Variants in PDE3A observed in about 807,000 individuals in gnomAD.
The protein encoded by PDE3A is phosphodiesterase 3A, also known as cGMP-inhibited 3',5'-cyclic phosphodiesterase 3A.
Under a neutral mutation model 98.3 loss-of-function variants are expected in PDE3A, and 43 were observed. That is an observed-to-expected ratio of 0.44 (90% CI 0.34 to 0.56). The LOEUF is 0.56. Among genes scored for constraint, PDE3A ranks in the 20% least tolerant of loss-of-function variants. The pLI, the probability that PDE3A is intolerant of heterozygous loss-of-function variation, is 0.01. For missense variants in PDE3A, 1,427 were observed against 1,440.7 expected (o/e 0.99, Z 0.15); for synonymous variants, 663 against 567.9 (o/e 1.17, Z -2.38).
At chr12:20,577,130 C>A (rs183212709) in intron 2 of PDE3A, among the ~76,000 whole-genome samples, 1 of 152,128 alleles carries the variant, frequency 6.6e-6, no homozygotes, top group African/African-American at 2.4e-5. Flanking sequence ...ATGAACCACC[C>A]CCACCCCCAA....
At chr12:20,588,979 G>T (rs1403372817) in intron 2 of PDE3A, among the ~76,000 whole-genome samples, 1 of 152,176 alleles carries the variant, frequency 6.6e-6, no homozygotes, top group African/African-American at 2.4e-5. Context: ...CTGGAGTGTA[G>T]TGGCGCCATT....
In PDE3A at chr12:20,465,194, C is replaced by A. The variant is rs187468445; in HGVS notation, c.961-91466C>A. 1.3e-3 allele frequency among the ~76,000 whole-genome samples: 205 copies of A among 152,168 alleles called. 2 individuals are homozygous for A. The highest frequency in any genetic ancestry group is 4.6e-3 in the African/African-American group (193 of 41,536). ...GAAGTTGGAGGTTGCTTAACAATTT[C>A]TTCTCTTTAATAGCATGTCATAGTT... On this transcript the variant is annotated intron_variant, in intron 1 of 15. Coordinates refer to ENST00000359062, the MANE Select transcript of PDE3A (RefSeq NM_000921.5).
intron 1 of PDE3A, among the ~76,000 whole-genome samples, chr12:20,445,822 C>T (rs902547076): frequency 3.9e-5 from 6 of 152,084 alleles, no homozygotes; most frequent in Non-Finnish European, 7.3e-5. Flanking sequence ...AGACTGATGA[C>T]GCCCTATGCT....
intron 10 of PDE3A, among the ~76,000 whole-genome samples, chr12:20,644,475 A>G (rs1357760414): frequency 6.6e-6 from 1 of 152,164 alleles, no homozygotes; most frequent in Non-Finnish European, 1.5e-5. Context: ...TATTTTTAAG[A>G]TAAGGAAGTG....
intron 1 of PDE3A, among the ~76,000 whole-genome samples, chr12:20,447,863 G>T (rs560305237): frequency 3.3e-5 from 5 of 152,286 alleles, no homozygotes; most frequent in South Asian, 2.1e-4. Flanking sequence ...GAAGAGGGGG[G>T]CAGTCTTGAG....
At chr12:20,390,925 C>T (rs1165354475) in intron 1 of PDE3A, among the ~76,000 whole-genome samples, 3 of 151,850 alleles carry the variant, frequency 2.0e-5, no homozygotes, top group East Asian at 1.9e-4. Flanking sequence ...ATGTTAAGCA[C>T]GGTCCTAAAT....
At chr12:20,445,873 C>A (rs1041761366) in intron 1 of PDE3A, among the ~76,000 whole-genome samples, 1 of 152,114 alleles carries the variant, frequency 6.6e-6, no homozygotes, top group African/African-American at 2.4e-5. Context: ...CATCTCCTTT[C>A]TAGGTCACAA....
intron 1 of PDE3A, among the ~76,000 whole-genome samples, chr12:20,539,888 A>G (rs1043048590): frequency 9.5e-6 from 1 of 104,960 alleles, no homozygotes. Flanking sequence ...AATTACGTGA[A>G]GTAGGTAGTC....
At chr12:20,464,932 A>G (rs1437924961) in intron 1 of PDE3A, among the ~76,000 whole-genome samples, 1 of 152,188 alleles carries the variant, frequency 6.6e-6, no homozygotes, top group Admixed American at 6.5e-5. Flanking sequence ...AACATGGCAC[A>G]CTCTATTTAT....
At chr12:20,585,031 A>C (rs114374880) in intron 2 of PDE3A, among the ~76,000 whole-genome samples, 1 of 152,210 alleles carries the variant, frequency 6.6e-6, no homozygotes, top group Non-Finnish European at 1.5e-5. Context: ...TAAAAGTACA[A>C]ATCTACTAAT....
intron 1 of PDE3A, among the ~76,000 whole-genome samples, chr12:20,453,548 A>G (rs1327188303): frequency 6.6e-6 from 1 of 152,184 alleles, no homozygotes; most frequent in Non-Finnish European, 1.5e-5. Flanking sequence ...ATGGAAAGAG[A>G]GAACGATGAT....
In PDE3A at chr12:20,682,650, T is replaced by A. The variant is rs1667282525; in HGVS notation, c.*2379T>A. On this transcript the variant is annotated 3_prime_UTR_variant, in exon 16 of 16. Transcript: ENST00000359062. ...ATTTTCTTAGTTTTACCTGTGTATCTCCATGTTTGCAAAAATTACTATAAG... is the reference window on the plus strand; with the variant it reads ...ATTTTCTTAGTTTTACCTGTGTATCACCATGTTTGCAAAAATTACTATAAG... 1 of 152,216 alleles carries A rather than the reference T, an allele frequency of 6.6e-6. No homozygotes were observed. The highest frequency in any genetic ancestry group is 1.5e-5 in the Non-Finnish European group (1 of 68,042). 9.4% of individuals were successfully genotyped at this position (152,216 alleles called of 1,614,324 possible). A position where few individuals can be genotyped will look rare whatever the true frequency, so the allele number is the denominator to read the frequency against.
At chr12:20,388,429 A>G (rs983794126) in intron 1 of PDE3A, among the ~76,000 whole-genome samples, 2 of 152,028 alleles carry the variant, frequency 1.3e-5, no homozygotes, top group African/African-American at 2.4e-5. Flanking sequence ...ATATACCGAA[A>G]CATGTTTCAG....
chr12:20,633,593 T>C, intron 6 of PDE3A, 100 bp from the exon 7 acceptor site: 1 of 540,166 alleles, frequency 1.9e-6, no homozygotes, highest in Middle Eastern at 2.8e-4. Flanking sequence ...GTAGAAATAT[T>C]TGACTATTGT....
chr12:20,609,346 A>C (rs947830644), intron 2 of PDE3A, among the ~76,000 whole-genome samples: 21 of 152,070 alleles, frequency 1.4e-4, no homozygotes, highest in Admixed American at 1.4e-3. Flanking sequence ...CTTAGGGATA[A>C]ATTTAACCAA....
At chr12:20,616,185 G>GAGATGAT in intron 3 of PDE3A, 45 bp from the exon 4 acceptor site, 1 of 1,547,000 alleles carries the variant, frequency 6.5e-7, no homozygotes, top group African/African-American at 1.4e-5. Flanking sequence ...TAAAATTTAA[G>GAGATGAT]AGATATAAAA....
At chr12:20,532,723 C>G (rs1365860217) in intron 1 of PDE3A, among the ~76,000 whole-genome samples, 1 of 139,912 alleles carries the variant, frequency 7.1e-6, no homozygotes, top group African/African-American at 2.7e-5. Flanking sequence ...GAGTCTCGCT[C>G]TGTCACCCAG....
chr12:20,449,747 T>C, intron 1 of PDE3A: 1 of 471,078 alleles, frequency 2.1e-6, no homozygotes, highest in South Asian at 6.3e-5. Context: ...AAGTGGATGC[T>C]CAGGCTGGGG....
At chr12:20,653,152 A>G (rs1944960669) in intron 14 of PDE3A, among the ~76,000 whole-genome samples, 1 of 152,300 alleles carries the variant, frequency 6.6e-6, no homozygotes, top group South Asian at 2.1e-4. Context: ...GAAGCACTTC[A>G]AAATAAAACA....
Sources: gnomAD v4.1 joint callset for allele counts (sites outside exome capture counted in the v4.1 genomes callset) on GRCh38, gnomAD v4.1.1 for gene constraint, MANE v1.5 for transcripts, NCBI Gene and HGNC (gene_info 2026-07-23, HGNC 2026-07-21) for gene names.